Variants in CP observed in about 807,000 individuals in gnomAD.
CP encodes the protein ceruloplasmin, also known as caeruloplasmin.
A neutral mutation model predicts 122.4 loss-of-function variants in CP; 64 were observed. That is an observed-to-expected ratio of 0.52 (90% CI 0.43 to 0.64). The LOEUF (loss-of-function observed/expected upper bound fraction) is 0.64. Ranked by LOEUF, CP falls within the 30% of genes least tolerant of loss-of-function variation. The pLI is 0.00. For synonymous variants in CP, 440 were observed against 436.4 expected, an observed-to-expected ratio of 1.01 and a Z score of -0.10; for missense variants, 1,167 against 1,284.4, an observed-to-expected ratio of 0.91 and a Z score of 1.40.
At chr3:149,183,363 T>C (rs1458318743) in intron 13 of CP, 103 bp downstream of exon 13, 4 of 1,210,896 alleles carry the variant, frequency 3.3e-6, no homozygotes, top group Non-Finnish European at 4.8e-6. Context: ...ACAACTTTGA[T>C]ATATGAACCA....
At chr3:149,195,748 C>G (rs1053197239) in intron 9 of CP, among the ~76,000 whole-genome samples, 2 of 152,028 alleles carry the variant, frequency 1.3e-5, no homozygotes, top group Non-Finnish European at 2.9e-5. Context: ...CGCCTGTAGT[C>G]CCAGCTACTC....
downstream of CP, chr3:149,167,819 A>G (rs1427445501): frequency 8.7e-6 from 8 of 923,900 alleles, no homozygotes; most frequent in South Asian, 5.2e-5. Flanking sequence ...TTCCTGCACA[A>G]TCTTCTTATT....
chr3:149,206,043 A>G, intron 6 of CP, 125 bp downstream of exon 6: 1 of 832,114 alleles, frequency 1.2e-6, no homozygotes, highest in African/African-American at 1.7e-5. Flanking sequence ...CTTAATAAAT[A>G]TTTAGCAGTC....
At chr3:149,175,994 A>C in intron 18 of CP, 1 of 480,472 alleles carries the variant, frequency 2.1e-6, no homozygotes, top group Middle Eastern at 5.7e-4. Flanking sequence ...ATCAGCTTTA[A>C]GTATAATTAC....
intron 12 of CP, among the ~76,000 whole-genome samples, chr3:149,184,282 G>T (rs913072490): frequency 2.0e-5 from 3 of 151,818 alleles, no homozygotes; most frequent in Non-Finnish European, 2.9e-5. Context: ...TGATCCGCCC[G>T]CCTCGGCCTC....
intron 12 of CP, among the ~76,000 whole-genome samples, chr3:149,184,028 C>CT (rs869206210): frequency 0.21 from 13,538 of 63,198 alleles, 4,220 homozygotes; most frequent in Non-Finnish European, 0.28. Flanking sequence ...TCACTTACTT[C>CT]TTTTTTTTTT....
At chr3:149,177,649 C>T (rs1296202625) in intron 17 of CP, 191 bp downstream of exon 17, 5 of 663,734 alleles carry the variant, frequency 7.5e-6, no homozygotes, top group Non-Finnish European at 1.3e-5. Flanking sequence ...CTTTTTGGAA[C>T]TTAGTGGAAT....
At chr3:149,190,519 G>A (rs1726472322) in intron 9 of CP, among the ~76,000 whole-genome samples, 1 of 151,996 alleles carries the variant, frequency 6.6e-6, no homozygotes, top group Admixed American at 6.6e-5. Context: ...TTAGCCAGGT[G>A]TGGTGGCAGG....
chr3:149,183,632 G>A (rs1427747417), intron 12 of CP, 27 bp from the exon 13 acceptor site: 2 of 1,465,190 alleles, frequency 1.4e-6, no homozygotes, highest in Admixed American at 1.9e-5. Context: ...ACTAAGGTTA[G>A]TATTTGTCTT....
In CP at chr3:149,173,602, T is replaced by C; in HGVS notation, c.*112A>G. On this transcript the variant is annotated 3_prime_UTR_variant, in exon 19 of 19. Coordinates refer to ENST00000264613, the MANE Select transcript of CP (RefSeq NM_000096.4). ...GTACAAAGTTGTATGCTTCCAGTCT[T>C]CTTTTAATGTTTATAGTCATTCCAA... 1 of 749,662 alleles carries C rather than the reference T, an allele frequency of 1.3e-6. No individual in the cohort carries two copies. Among genetic ancestry groups the C allele is most frequent in the Non-Finnish European group, 2.2e-6 (1 of 453,846 alleles). The allele number at this position is 749,662 out of a possible 1,614,324, so 46.4% of individuals were successfully genotyped here.
chr3:149,185,217 G>T, intron 12 of CP, 22 bp downstream of exon 12: 1 of 1,609,700 alleles, frequency 6.2e-7, no homozygotes, highest in African/African-American at 1.3e-5. Context: ...CTGAAATTGG[G>T]AATCAGAGTC....
intron 14 of CP, 78 bp downstream of exon 14, chr3:149,181,923 ACTCT>A: frequency 4.7e-6 from 7 of 1,500,254 alleles, no homozygotes; most frequent in Non-Finnish European, 6.5e-6. Context: ...CTTGGTCCAG[ACTCT>A]CTATGATGAG....
At chr3:149,202,346 G>T in intron 6 of CP, 105 bp from the exon 7 acceptor site, 1 of 1,399,930 alleles carries the variant, frequency 7.1e-7, no homozygotes, top group Non-Finnish European at 1.0e-6. Context: ...AGTGCTTAGA[G>T]ATGAATATTA....
At chr3:149,208,468 C>G (rs1727896528) in intron 4 of CP, among the ~76,000 whole-genome samples, 1 of 152,098 alleles carries the variant, frequency 6.6e-6, no homozygotes. Context: ...GAAACAAAAT[C>G]TGTACTTTGT....
chr3:149,163,986 T>C, intron 5 of CP: 1 of 1,009,690 alleles, frequency 9.9e-7, no homozygotes, highest in Non-Finnish European at 1.6e-6. Context: ...TGAAATTGCA[T>C]ATTACAATAT....
chr3:149,212,342 G>T, intron 2 of CP, 109 bp downstream of exon 2: 2 of 1,153,508 alleles, frequency 1.7e-6, no homozygotes, highest in South Asian at 1.5e-5. Flanking sequence ...GTTAAGAGCT[G>T]AATGGCAGTT....
chr3:149,205,153 G>C (rs1401051589), intron 6 of CP, among the ~76,000 whole-genome samples: 1 of 149,924 alleles, frequency 6.7e-6, no homozygotes, highest in Non-Finnish European at 1.5e-5. Flanking sequence ...CAACCACTAT[G>C]AAATATCACT....
At chr3:149,184,636 A>G (rs139784300) in intron 12 of CP, among the ~76,000 whole-genome samples, 191 of 151,694 alleles carry the variant, frequency 1.3e-3, no homozygotes, top group African/African-American at 4.4e-3. Context: ...GCTGCTCTAA[A>G]TTAATGTTTC....
At chr3:149,201,343 G>C (rs1369466545) in intron 7 of CP, among the ~76,000 whole-genome samples, 1 of 151,704 alleles carries the variant, frequency 6.6e-6, no homozygotes, top group Non-Finnish European at 1.5e-5. Context: ...GGATGGTCTC[G>C]ATCTCCTGAC....
Sources: allele counts gnomAD v4.1 joint callset (sites outside exome capture counted in the v4.1 genomes callset), GRCh38; gene constraint gnomAD v4.1.1; transcripts MANE v1.5; gene names NCBI Gene and HGNC (gene_info 2026-07-23, HGNC 2026-07-21).